GRIK5: variants seen among roughly 807,000 people sequenced by gnomAD.
GRIK5 encodes the protein glutamate ionotropic receptor kainate type subunit 5.
In GRIK5, 43 loss-of-function variants were observed where a neutral mutation model predicts 97.4. The ratio of observed to expected loss-of-function variants is 0.44; its 90% CI spans 0.35 to 0.57. The LOEUF is 0.57. Ranked by LOEUF, GRIK5 falls within the 20% of genes least tolerant of loss-of-function variation. The pLI is 0.01. For missense variants in GRIK5, 1,015 were observed against 1,382.0 expected, an observed-to-expected ratio of 0.73 and a Z score of 4.21; for synonymous variants, 580 against 583.5, an observed-to-expected ratio of 0.99 and a Z score of 0.09.
At chr19:42,057,570 G>T (rs549357379) in intron 6 of GRIK5, among the ~76,000 whole-genome samples, 38 of 152,052 alleles carry the variant, frequency 2.5e-4, no homozygotes, top group Non-Finnish European at 4.7e-4. Context: ...TAGAGATGGG[G>T]TCTTGCTATG....
At position 42,003,302 on chromosome 19, in the gene GRIK5, C is replaced by A. The variant is rs782251653; in HGVS notation, c.2514+30G>T. The A allele has an allele frequency of 1.3e-6, 2 of 1,595,896 alleles. No individual in the cohort carries two copies. The highest frequency in any genetic ancestry group is 1.7e-6 in the Non-Finnish European group (2 of 1,167,628). Reference sequence around the variant, plus strand: ...ACCTCAGCCCCTGGGGGTCCCTGTTCCTGCCCACCCCCACCCCCAGCCTCC... The same window carrying A: ...ACCTCAGCCCCTGGGGGTCCCTGTTACTGCCCACCCCCACCCCCAGCCTCC... On this transcript the variant is annotated intron_variant, in intron 19 of 19. Transcript: ENST00000593562. The surrounding 1 kb of genome is among the most constrained non-coding windows in gnomAD (Gnocchi z 4.2).
intron 12 of GRIK5, among the ~76,000 whole-genome samples, chr19:42,027,166 G>A (rs1039179832): frequency 6.6e-6 from 1 of 152,124 alleles, no homozygotes; most frequent in Non-Finnish European, 1.5e-5. Flanking sequence ...CTAGCTTTGG[G>A]GATACGGCGG....
chr19:42,026,577 C>T (rs2075774502), intron 12 of GRIK5, among the ~76,000 whole-genome samples: 2 of 144,288 alleles, frequency 1.4e-5, no homozygotes, highest in Non-Finnish European at 3.0e-5. Flanking sequence ...TTATTATTAT[C>T]ATTATTTTTG....
At chr19:42,054,554 C>T in intron 8 of GRIK5, 82 bp from the exon 9 acceptor site, 1 of 1,475,870 alleles carries the variant, frequency 6.8e-7, no homozygotes, top group Non-Finnish European at 9.2e-7. Context: ...AGCTGCCACC[C>T]TCAAACCCTC....
In GRIK5 at chr19:41,998,952, C is replaced by G; in HGVS notation, c.2862G>C (p.Leu954=). ...GGCTGGTGGCTTCGGCGGGGACGCCCAGGCCACGCGGAGGCGCGCCGGCCC... is the reference window on the plus strand; with the variant it reads ...GGCTGGTGGCTTCGGCGGGGACGCCGAGGCCACGCGGAGGCGCGCCGGCCC... The part of the protein sequence containing the change: ...ASGAGAPPRG[L]GVPAEATSPP... The change falls in exon 20 of 20, where the codon CTG becomes CTC. Residue 954 remains leucine (L), a synonymous_variant. Transcript: ENST00000593562. 8.7e-7 allele frequency: 1 copy of G among 1,145,252 alleles called. No individual in the cohort carries two copies. Among genetic ancestry groups the G allele is most frequent in the Non-Finnish European group, 1.1e-6 (1 of 933,300 alleles). The allele number at this position is 1,145,252 out of a possible 1,614,324, so 70.9% of individuals were successfully genotyped here.
intron 5 of GRIK5, among the ~76,000 whole-genome samples, chr19:42,059,729 T>C (rs1322909095): frequency 6.6e-6 from 1 of 152,034 alleles, no homozygotes; most frequent in Non-Finnish European, 1.5e-5. Context: ...CCTAGACCTC[T>C]TCCTAGAACT....
At position 42,005,951 on chromosome 19, in the gene GRIK5, G is replaced by A. The variant is rs782712580; in HGVS notation, c.2038-3C>T. ...TGGTACGTTTGGTACCGTGAATTCT[G>A]GGCAGGAGGATCACAAGGGGAAGAT... On this transcript the variant is annotated splice_region_variant and splice_polypyrimidine_tract_variant and intron_variant, in intron 16 of 19. Coordinates refer to ENST00000593562, the MANE Select transcript of GRIK5 (RefSeq NM_002088.5). 1.2e-4 allele frequency: 184 copies of A among 1,478,212 alleles called. No individual in the cohort carries two copies. The highest frequency in any genetic ancestry group is 1.6e-4 in the Non-Finnish European group (175 of 1,067,128). 91.6% of individuals were successfully genotyped at this position (1,478,212 alleles called of 1,614,324 possible).
At position 41,998,949 on chromosome 19, in the gene GRIK5, G is replaced by A; in HGVS notation, c.2865C>T (p.Gly955=). Residue 955 remains glycine, a synonymous_variant, in exon 20 of 20, where the codon GGC becomes GGT. Transcript: ENST00000593562. ...GCGGGCTGGTGGCTTCGGCGGGGAC[G>A]CCCAGGCCACGCGGAGGCGCGCCGG... ...SGAGAPPRGL[G]VPAEATSPPR... is the part of the protein sequence containing the mutation. 1.8e-6 allele frequency: 2 copies of A among 1,133,308 alleles called. No homozygotes were observed. Among genetic ancestry groups the A allele is most frequent in the Non-Finnish European group, 2.2e-6 (2 of 926,566 alleles). The allele number at this position is 1,133,308 out of a possible 1,614,324, so 70.2% of individuals were successfully genotyped here.
intron 12 of GRIK5, among the ~76,000 whole-genome samples, chr19:42,035,791 T>C (rs1271007774): frequency 6.6e-6 from 1 of 152,202 alleles, no homozygotes; most frequent in Non-Finnish European, 1.5e-5. Flanking sequence ...CTCTGAGGTG[T>C]AAGAACATCA....
chr19:42,005,598 A>G, intron 17 of GRIK5, 125 bp downstream of exon 17: 1 of 672,726 alleles, frequency 1.5e-6, no homozygotes, highest in Non-Finnish European at 2.7e-6. Context: ...AAGACCATAC[A>G]GCCAGGAGGC....
chr19:42,063,029 C>A (rs778095512), intron 3 of GRIK5, among the ~76,000 whole-genome samples, 174 bp from the exon 4 acceptor site: 1 of 152,198 alleles, frequency 6.6e-6, no homozygotes, highest in African/African-American at 2.4e-5. Flanking sequence ...AACAAGTGAA[C>A]ATGAGGGGGC....
Position 41,999,016 on chromosome 19 carries a change from C to A in GRIK5, c.2798G>T (p.Cys933Phe), listed in dbSNP as rs1599734951. The A allele has an allele frequency of 8.2e-7, 1 of 1,226,478 alleles. No individual in the cohort carries two copies. 76.0% of individuals were successfully genotyped at this position (1,226,478 alleles called of 1,614,324 possible). The change falls in exon 20 of 20, where the codon TGC (cysteine) becomes TTC (phenylalanine). Residue 933 changes from cysteine to phenylalanine, a missense_variant. Transcript: ENST00000593562. The surrounding 1 kb of genome is among the most constrained non-coding windows in gnomAD (Gnocchi z 5.0). ...CGCCTGGATGCGCCGGCACTCCTGGCAGACGCGCACGTGGGTGCAGGGGGT... is the reference window on the plus strand; with the variant it reads ...CGCCTGGATGCGCCGGCACTCCTGGAAGACGCGCACGTGGGTGCAGGGGGT... ...APTPCTHVRV[C>F]QECRRIQALR...
chr19:42,054,449 G>A lies in GRIK5; in HGVS notation c.927C>T (p.Asp309=), dbSNP rs201786044. Residue 309 remains aspartate, a synonymous_variant, in exon 9 of 20, where the codon GAC becomes GAT. Transcript: ENST00000593562. ...CAGCGCTCACCACCACGTGCACGGC[G>A]TCAAACATCAGGGCGGCTGACAGCT... ...GPALSAALMF[D]AVHVVVSAVR... 1.9e-5 allele frequency: 31 copies of A among 1,613,124 alleles called. No homozygotes were observed. The highest frequency in any genetic ancestry group is 4.4e-5 in the South Asian group (4 of 91,090).
In GRIK5 at chr19:42,042,575, T is replaced by A; in HGVS notation, c.1450A>T (p.Met484Leu). 6.2e-7 allele frequency: 1 copy of A among 1,611,386 alleles called. No homozygotes were observed. Among genetic ancestry groups the A allele is most frequent in the Non-Finnish European group, 8.5e-7 (1 of 1,179,730 alleles). The stretch of plus-strand genomic sequence containing the variant: ...ACCCGGTTGATGAGCTCGCCAACCA[T>A]GCCCGTCCAGGAGCCGTTGGGCTCG... Reference protein sequence around the residue: ...APEPNGSWTGMVGELINRKAD... With the variant: ...APEPNGSWTGLVGELINRKAD... The change falls in exon 12 of 20, where the codon ATG becomes TTG. Residue 484 changes from methionine to leucine, a missense_variant. Met to Leu is a conservative substitution (Grantham distance 15, BLOSUM62 2). Around this residue, in one of 5 missense-constraint regions of GRIK5, gnomAD observed 477 missense variants for 701.1 expected, o/e 0.68. Coordinates refer to ENST00000593562, the MANE Select transcript of GRIK5 (RefSeq NM_002088.5). The surrounding 1 kb of genome is among the most constrained non-coding windows in gnomAD (Gnocchi z 6.9).
At chr19:42,023,142 G>T (rs994446545) in intron 12 of GRIK5, among the ~76,000 whole-genome samples, 1 of 151,864 alleles carries the variant, frequency 6.6e-6, no homozygotes, top group Non-Finnish European at 1.5e-5. Flanking sequence ...ATCCAGGGTC[G>T]GGGAGAAAGG....
At position 42,006,094 on chromosome 19, in the gene GRIK5, G is replaced by C. The variant is rs2075486656; in HGVS notation, c.2038-146C>G. 1 of 635,764 alleles carries C rather than the reference G, an allele frequency of 1.6e-6. No individual in the cohort carries two copies. Among genetic ancestry groups the C allele is most frequent in the Non-Finnish European group, 2.9e-6 (1 of 348,940 alleles). 39.4% of individuals were successfully genotyped at this position (635,764 alleles called of 1,614,324 possible). A position where few individuals can be genotyped will look rare whatever the true frequency, so the allele number is the denominator to read the frequency against. On this transcript the variant is annotated intron_variant, in intron 16 of 19. Coordinates refer to ENST00000593562, the MANE Select transcript of GRIK5 (RefSeq NM_002088.5). The surrounding 1 kb of genome is among the most constrained non-coding windows in gnomAD (Gnocchi z 5.3). The stretch of plus-strand genomic sequence containing the variant: ...AAGACAGAGCCAAAGGTAGAGGAGA[G>C]AGAGGAGATGGACAAACTGTCCAGG...
At chr19:42,018,149 T>TG (rs2075649600) in intron 15 of GRIK5, among the ~76,000 whole-genome samples, 5 of 62,810 alleles carry the variant, frequency 8.0e-5, no homozygotes, top group East Asian at 5.1e-4. Context: ...CCATCTCTAC[T>TG]AAAAAAAAAA....
intron 12 of GRIK5, among the ~76,000 whole-genome samples, chr19:42,028,014 T>C (rs1443725905): frequency 6.6e-6 from 1 of 152,086 alleles, no homozygotes; most frequent in Non-Finnish European, 1.5e-5. Flanking sequence ...TCATTTTTTG[T>C]AGAGACGGGG....
intron 12 of GRIK5, among the ~76,000 whole-genome samples, chr19:42,037,974 C>A (rs939262412): frequency 6.6e-6 from 1 of 152,206 alleles, no homozygotes; most frequent in African/African-American, 2.4e-5. Context: ...TCCAGGGGCA[C>A]GCCATCACAC....
Sources: allele counts gnomAD v4.1 joint callset (sites outside exome capture counted in the v4.1 genomes callset), GRCh38; gene constraint gnomAD v4.1.1; regional missense constraint gnomAD v4.1.1; non-coding constraint Gnocchi (gnomAD v3.1); transcripts MANE v1.5; gene names NCBI Gene and HGNC (gene_info 2026-07-23, HGNC 2026-07-21).